PPP1R1C: variants seen among roughly 807,000 people sequenced by gnomAD.
PPP1R1C encodes protein phosphatase 1 regulatory inhibitor subunit 1C.
In PPP1R1C, 15 loss-of-function variants were observed where a neutral mutation model predicts 17.4. The observed-to-expected ratio is 0.86, with a 90% CI of 0.58 to 1.33. The LOEUF is 1.33. PPP1R1C is among the 40% of genes most tolerant of loss of function. The probability of loss-of-function intolerance (pLI) is 0.00; values close to 1 mark genes in which losing one functional copy is unlikely to be tolerated. For synonymous variants in PPP1R1C, 35 were observed against 43.1 expected, an observed-to-expected ratio of 0.81 and a Z score of 0.73; for missense variants, 143 against 130.0, an observed-to-expected ratio of 1.10 and a Z score of -0.48.
chr2:182,045,542 A>G (rs1435723466), intron 2 of PPP1R1C, among the ~76,000 whole-genome samples: 2 of 152,140 alleles, frequency 1.3e-5, no homozygotes, highest in East Asian at 1.9e-4. Context: ...TTTAATGTGT[A>G]CAGTAACATC....
chr2:182,076,406 A>G (rs1028556461), intron 4 of PPP1R1C, among the ~76,000 whole-genome samples: 23 of 151,310 alleles, frequency 1.5e-4, no homozygotes, highest in Middle Eastern at 3.5e-3. Context: ...AAAGGGACCA[A>G]AAGAGAAATC....
At chr2:182,077,623 G>A (rs1688352292) in intron 4 of PPP1R1C, among the ~76,000 whole-genome samples, 1 of 152,120 alleles carries the variant, frequency 6.6e-6, no homozygotes, top group African/African-American at 2.4e-5. Context: ...TGGAGCCACT[G>A]CAGTGTGTGC....
intron 2 of PPP1R1C, among the ~76,000 whole-genome samples, chr2:182,001,667 A>G (rs1284400784): frequency 6.6e-6 from 1 of 152,166 alleles, no homozygotes; most frequent in Non-Finnish European, 1.5e-5. Context: ...TTTGTTAGCA[A>G]TAAACTATCA....
At chr2:182,016,345 C>T (rs912433279) in intron 2 of PPP1R1C, among the ~76,000 whole-genome samples, 3 of 152,106 alleles carry the variant, frequency 2.0e-5, no homozygotes, top group African/African-American at 7.2e-5. Context: ...TGTGATTGCT[C>T]ATTTGATTTT....
At chr2:182,082,064 C>T (rs1688496866) in intron 4 of PPP1R1C, among the ~76,000 whole-genome samples, 1 of 152,088 alleles carries the variant, frequency 6.6e-6, no homozygotes, top group African/African-American at 2.4e-5. Flanking sequence ...AAAGCAGACA[C>T]CAACATAATG....
At chr2:182,052,313 A>G (rs1366837922) in intron 2 of PPP1R1C, among the ~76,000 whole-genome samples, 1 of 152,244 alleles carries the variant, frequency 6.6e-6, no homozygotes, top group Non-Finnish European at 1.5e-5. Context: ...AACACGTATC[A>G]TTGAACACAA....
chr2:181,978,848 T>C (rs991838547), intron 2 of PPP1R1C, among the ~76,000 whole-genome samples: 6 of 152,120 alleles, frequency 3.9e-5, no homozygotes, highest in African/African-American at 1.4e-4. Flanking sequence ...AGAGATTGTT[T>C]CTTCCATTTT....
chr2:182,035,104 T>A (rs1182304819), intron 2 of PPP1R1C, among the ~76,000 whole-genome samples: 2 of 152,202 alleles, frequency 1.3e-5, no homozygotes, highest in African/African-American at 2.4e-5. Flanking sequence ...TGTATGCCCA[T>A]GTGCACATCT....
intron 2 of PPP1R1C, among the ~76,000 whole-genome samples, chr2:182,051,635 G>A (rs1574412216): frequency 6.6e-6 from 1 of 151,008 alleles, no homozygotes; most frequent in East Asian, 1.9e-4. Context: ...TGTGCTAGGT[G>A]AGTCCCACTG....
intron 4 of PPP1R1C, among the ~76,000 whole-genome samples, chr2:182,089,192 C>A (rs907315824): frequency 6.6e-6 from 1 of 152,182 alleles, no homozygotes; most frequent in African/African-American, 2.4e-5. Flanking sequence ...AAATAGATCC[C>A]AGCTGTTTGG....
intron 2 of PPP1R1C, among the ~76,000 whole-genome samples, chr2:182,060,254 T>C (rs1441747326): frequency 1.3e-5 from 2 of 152,134 alleles, no homozygotes; most frequent in African/African-American, 4.8e-5. Context: ...TTCCATATAC[T>C]ATTCCCATTC....
At chr2:182,033,863 G>A (rs1306412159) in intron 2 of PPP1R1C, among the ~76,000 whole-genome samples, 1 of 152,116 alleles carries the variant, frequency 6.6e-6, no homozygotes, top group Non-Finnish European at 1.5e-5. Context: ...AAATCGCTTT[G>A]AACTGCTTCT....
intron 2 of PPP1R1C, among the ~76,000 whole-genome samples, chr2:181,975,641 TTTTA>T (rs1355318722): frequency 6.6e-6 from 1 of 151,820 alleles, no homozygotes; most frequent in Non-Finnish European, 1.5e-5. Flanking sequence ...TTCTTTCTCT[TTTTA>T]TTTTTTATTT....
intron 4 of PPP1R1C, among the ~76,000 whole-genome samples, chr2:182,110,805 A>C (rs1689394380): frequency 6.6e-6 from 1 of 152,124 alleles, no homozygotes; most frequent in Non-Finnish European, 1.5e-5. Flanking sequence ...CTAGGGAGCC[A>C]TTCTGTCTCT....
chr2:181,999,691 C>G lies in PPP1R1C; in HGVS notation c.142+11792C>G, dbSNP rs574180811. On this transcript the variant is annotated intron_variant, in intron 2 of 4. Transcript: ENST00000682840. ...TTGGTTTTGAAGTGGTAATTCTATA[C>G]TTTTTTCTTTCTCTTCTTTTGTATT... Among the ~76,000 whole-genome samples, 3 of 151,562 alleles carry G rather than the reference C, an allele frequency of 2.0e-5. No individual in the cohort carries two copies. The South Asian group carries it at 6.2e-4, about 31-fold the overall frequency.
At chr2:181,959,013 G>A (rs938474783) in intron 1 of PPP1R1C, among the ~76,000 whole-genome samples, 3 of 152,166 alleles carry the variant, frequency 2.0e-5, no homozygotes, top group South Asian at 2.1e-4. Context: ...TGACTGCATA[G>A]ACTACACATA....
Position 181,962,592 on chromosome 2 carries a change from C to T in PPP1R1C, n.111+7958C>T, listed in dbSNP as rs1200437328. The T allele has an allele frequency of 2.0e-5, 9 of 439,496 alleles. No individual in the cohort carries two copies. The highest frequency in any genetic ancestry group is 3.7e-5 in the Non-Finnish European group (9 of 245,238). 27.2% of individuals were successfully genotyped at this position (439,496 alleles called of 1,614,324 possible). ...AGCTCAGATCGAACAAAGCAAAGAG[C>T]GGGAGGGGCCCTTGGGCCAAGTATC... On this transcript the variant is annotated intron_variant and non_coding_transcript_variant, in intron 1 of 5. Coordinates refer to the PPP1R1C transcript ENST00000464264. This position sits in a 1 kb window ranked among gnomAD's most constrained non-coding sequence, Gnocchi z 6.0.
chr2:182,065,921 A>G (rs1443844342), intron 4 of PPP1R1C, among the ~76,000 whole-genome samples: 3 of 151,998 alleles, frequency 2.0e-5, no homozygotes, highest in African/African-American at 7.2e-5. Context: ...TTATTTAGTT[A>G]TTTTGCCTTC....
intron 4 of PPP1R1C, among the ~76,000 whole-genome samples, chr2:182,101,872 C>G (rs1160831529): frequency 1.3e-5 from 2 of 152,156 alleles, no homozygotes; most frequent in East Asian, 3.9e-4. Context: ...GGGGAGGAGA[C>G]TAGAAGAGAG....
Sources: gnomAD v4.1 joint callset for allele counts (sites outside exome capture counted in the v4.1 genomes callset) on GRCh38, gnomAD v4.1.1 for gene constraint, Gnocchi (gnomAD v3.1) non-coding constraint, MANE v1.5 for transcripts, NCBI Gene and HGNC (gene_info 2026-07-23, HGNC 2026-07-21) for gene names.